Variants in MGAT5 observed in about 807,000 individuals in gnomAD.
MGAT5 encodes alpha-1,6-mannosylglycoprotein 6-beta-N-acetylglucosaminyltransferase A.
Under a neutral mutation model 94.3 loss-of-function variants are expected in MGAT5, and 30 were observed. That is an observed-to-expected ratio of 0.32 (90% CI 0.24 to 0.43). The LOEUF (loss-of-function observed/expected upper bound fraction) is 0.43. Ranked by LOEUF, MGAT5 falls within the 20% of genes least tolerant of loss-of-function variation. The probability of loss-of-function intolerance (pLI) is 1.00; values close to 1 mark genes in which losing one functional copy is unlikely to be tolerated. For synonymous variants in MGAT5, 310 were observed against 322.9 expected, an observed-to-expected ratio of 0.96 and a Z score of 0.43; for missense variants, 691 against 905.5, an observed-to-expected ratio of 0.76 and a Z score of 3.04.
At chr2:134,406,569 C>T (rs1480057628) in intron 11 of MGAT5, among the ~76,000 whole-genome samples, 1 of 152,138 alleles carries the variant, frequency 6.6e-6, no homozygotes, top group African/African-American at 2.4e-5. Context: ...TCTTACTGAG[C>T]TTGGATGTGC....
rs531723505 is a variant in MGAT5, at chr2:134,183,041, C to T, written c.-143+62750C>T. 3.6e-4 allele frequency among the ~76,000 whole-genome samples: 55 copies of T among 152,196 alleles called. 1 individual carries two copies. The South Asian group carries it at 1.0e-2, about 28-fold the overall frequency. The stretch of plus-strand genomic sequence containing the variant: ...TCCTGACCTCGTGATCCACCCGCCT[C>T]GGCCTCCCAAAGTGCTGGGATTACA... On this transcript the variant is annotated intron_variant, in intron 1 of 16. Coordinates refer to the MGAT5 transcript ENST00000409645.
chr2:134,334,527 TG>T (rs1688222441), intron 4 of MGAT5, among the ~76,000 whole-genome samples: 1 of 46,298 alleles, frequency 2.2e-5, no homozygotes, highest in Non-Finnish European at 4.5e-5. Flanking sequence ...TTTGCAGGGT[TG>T]GGGGTGGGAT....
intron 1 of MGAT5, among the ~76,000 whole-genome samples, chr2:134,179,526 AGAAC>A (rs565427490): frequency 0.28 from 41,833 of 151,984 alleles, 7,967 homozygotes; most frequent in African/African-American, 0.53. Context: ...GAGACTTTAT[AGAAC>A]AAGACCATTC....
In MGAT5 at chr2:134,130,146, C is replaced by T. The variant is rs931246639; in HGVS notation, c.-143+9855C>T. On this transcript the variant is annotated intron_variant, in intron 1 of 16. Transcript: ENST00000409645. The stretch of plus-strand genomic sequence containing the variant: ...CCAGGCTGGAATTCTCGCCTGGCCT[C>T]AGCCATCTTCCCGCGGGGCAGGGCT... 2.0e-5 allele frequency among the ~76,000 whole-genome samples: 3 copies of T among 151,856 alleles called. 1 individual carries two copies. The South Asian group carries it at 6.2e-4, about 32-fold the overall frequency.
chr2:134,229,332 G>A (rs1316471465), intron 1 of MGAT5, among the ~76,000 whole-genome samples: 1 of 152,194 alleles, frequency 6.6e-6, no homozygotes, highest in Non-Finnish European at 1.5e-5. Context: ...ATTTTGCCCA[G>A]TAGAGGTATT....
intron 10 of MGAT5, among the ~76,000 whole-genome samples, chr2:134,373,235 A>G (rs1680933014): frequency 6.6e-6 from 1 of 152,222 alleles, no homozygotes; most frequent in Non-Finnish European, 1.5e-5. Flanking sequence ...GCTGTTCTCC[A>G]TGGACAAGGA....
intron 2 of MGAT5, among the ~76,000 whole-genome samples, chr2:134,288,442 A>G (rs544445051): frequency 6.6e-6 from 1 of 152,230 alleles, no homozygotes; most frequent in Non-Finnish European, 1.5e-5. Context: ...TTCACATCAC[A>G]ATATCAGAAA....
chr2:134,312,638 C>T (rs535710291), intron 2 of MGAT5, among the ~76,000 whole-genome samples: 206 of 152,228 alleles, frequency 1.4e-3, no homozygotes, highest in African/African-American at 4.8e-3. Context: ...GCTTCGTTGC[C>T]GGGTACTTCA....
At chr2:134,198,084 G>A (rs916511273) in intron 1 of MGAT5, among the ~76,000 whole-genome samples, 1 of 152,212 alleles carries the variant, frequency 6.6e-6, no homozygotes, top group Non-Finnish European at 1.5e-5. Flanking sequence ...CTTGTCATCT[G>A]TACCAGAAGC....
upstream of MGAT5, among the ~76,000 whole-genome samples, chr2:134,249,390 G>A (rs1159272564): frequency 6.6e-6 from 1 of 151,900 alleles, no homozygotes; most frequent in Non-Finnish European, 1.5e-5. Flanking sequence ...ATACACCTTA[G>A]CTATCACCTC....
At chr2:134,194,767 A>C (rs1679418050) in intron 1 of MGAT5, among the ~76,000 whole-genome samples, 1 of 152,134 alleles carries the variant, frequency 6.6e-6, no homozygotes, top group Non-Finnish European at 1.5e-5. Flanking sequence ...GAGAGACAGG[A>C]GTGTTCTCCA....
intron 1 of MGAT5, among the ~76,000 whole-genome samples, chr2:134,265,736 G>A (rs79641883): frequency 0.012 from 1,830 of 152,156 alleles, 41 homozygotes; most frequent in African/African-American, 0.042. Flanking sequence ...TGTTGAGGAC[G>A]CATTTTATGG....
chr2:134,253,953 C>T (rs767126545), upstream of MGAT5, among the ~76,000 whole-genome samples: 100 of 152,300 alleles, frequency 6.6e-4, no homozygotes, highest in Non-Finnish European at 1.2e-3. Flanking sequence ...TGACATTCCG[C>T]CAAATATCCT....
At chr2:134,315,058 T>C (rs1686919774) in intron 2 of MGAT5, among the ~76,000 whole-genome samples, 1 of 152,220 alleles carries the variant, frequency 6.6e-6, no homozygotes, top group African/African-American at 2.4e-5. Flanking sequence ...CCCTTAACTT[T>C]ATTCTTTGAA....
intron 1 of MGAT5, among the ~76,000 whole-genome samples, chr2:134,247,371 A>AC (rs1553501102): frequency 2.0e-5 from 3 of 148,780 alleles, no homozygotes; most frequent in East Asian, 3.9e-4. Context: ...AAAAAAAAAA[A>AC]AAACAAAAAA....
intron 1 of MGAT5, among the ~76,000 whole-genome samples, chr2:134,206,974 A>G (rs1031758689): frequency 2.0e-5 from 3 of 152,214 alleles, no homozygotes; most frequent in Non-Finnish European, 4.4e-5. Flanking sequence ...AAGTATAGGT[A>G]ATTATTAATG....
In MGAT5 at chr2:134,373,394, G is replaced by A. The variant is rs569314905; in HGVS notation, c.1380+10986G>A. ...CAAGTGAGGAAAGGGTTGACAGCGC[G>A]TTCTTGAAGGGAGACAGAACTGTAA... On this transcript the variant is annotated intron_variant, in intron 10 of 15. Transcript: ENST00000281923. 9.2e-5 allele frequency among the ~76,000 whole-genome samples: 14 copies of A among 152,326 alleles called. No individual in the cohort carries two copies. In the South Asian group the frequency reaches 1.9e-3, roughly 20 times the overall value.
chr2:134,389,789 C>G (rs1682284801), intron 10 of MGAT5, among the ~76,000 whole-genome samples: 1 of 152,224 alleles, frequency 6.6e-6, no homozygotes, highest in Admixed American at 6.5e-5. Context: ...GTCCTGAGTT[C>G]AGAAATTCTG....
At chr2:134,161,774 T>A (rs536176849) in intron 1 of MGAT5, among the ~76,000 whole-genome samples, 1 of 152,274 alleles carries the variant, frequency 6.6e-6, no homozygotes, top group East Asian at 1.9e-4. Context: ...TTTCATAGAT[T>A]TATTTTTTTT....
Sources: allele counts gnomAD v4.1 joint callset (sites outside exome capture counted in the v4.1 genomes callset), GRCh38; gene constraint gnomAD v4.1.1; transcripts MANE v1.5; gene names NCBI Gene and HGNC (gene_info 2026-07-23, HGNC 2026-07-21).